The following FGF14 variants were observed in gnomAD, a reference collection of about 807,000 sequenced individuals.
FGF14 encodes fibroblast growth factor 14.
FGF14 carries 5 observed loss-of-function variants against 25.5 expected under a neutral mutation model. That is an observed-to-expected ratio of 0.20 (90% CI 0.10 to 0.41). The LOEUF (loss-of-function observed/expected upper bound fraction) is 0.41. Ranked by LOEUF, FGF14 falls within the 10% of genes least tolerant of loss-of-function variation. FGF14 has a pLI of 1.00. For synonymous variants in FGF14, 138 were observed against 118.3 expected (o/e 1.17, Z -1.08); for missense variants, 222 against 320.1 (o/e 0.69, Z 2.34).
intron 1 of FGF14, among the ~76,000 whole-genome samples, chr13:102,057,306 T>C (rs1429105057): frequency 6.6e-6 from 1 of 152,214 alleles, no homozygotes; most frequent in Non-Finnish European, 1.5e-5. Flanking sequence ...ATGAATATTT[T>C]ACAAATTGTT....
At chr13:101,750,391 C>A (rs766712150) in intron 3 of FGF14, among the ~76,000 whole-genome samples, 3 of 152,068 alleles carry the variant, frequency 2.0e-5, no homozygotes, top group Non-Finnish European at 4.4e-5. Context: ...GATGAACTGA[C>A]AATAACCTTT....
intron 1 of FGF14, among the ~76,000 whole-genome samples, chr13:102,336,194 A>G (rs11618467): frequency 0.18 from 27,446 of 152,218 alleles, 2,695 homozygotes; most frequent in South Asian, 0.23. Flanking sequence ...GTCCTCTTGC[A>G]CCAGTTTGCC....
chr13:102,199,643 A>G (rs1021283595), intron 1 of FGF14, among the ~76,000 whole-genome samples: 5 of 152,140 alleles, frequency 3.3e-5, no homozygotes, highest in African/African-American at 9.7e-5. Flanking sequence ...GGAGAGTACA[A>G]AAGACCTCTA....
chr13:101,897,355 G>A (rs748966949), intron 1 of FGF14, among the ~76,000 whole-genome samples: 2 of 152,180 alleles, frequency 1.3e-5, no homozygotes, highest in African/African-American at 2.4e-5. Flanking sequence ...CAGGTCTAAT[G>A]TGGAAGAGCT....
intron 4 of FGF14, among the ~76,000 whole-genome samples, chr13:101,725,507 T>C (rs912594675): frequency 6.6e-6 from 1 of 152,082 alleles, no homozygotes; most frequent in African/African-American, 2.4e-5. Context: ...GAAGTAGTAT[T>C]AGCCAACAAG....
intron 1 of FGF14, among the ~76,000 whole-genome samples, chr13:102,239,081 AAAAAAC>A (rs1009210215): frequency 4.0e-4 from 60 of 151,654 alleles, no homozygotes; most frequent in Middle Eastern, 3.4e-3. Flanking sequence ...GCTGGTTAAA[AAAAAAC>A]AAAAAACAAA....
At chr13:101,844,175 AATC>A (rs1188220791) in intron 3 of FGF14, among the ~76,000 whole-genome samples, 1 of 152,052 alleles carries the variant, frequency 6.6e-6, no homozygotes, top group African/African-American at 2.4e-5. Flanking sequence ...ACAGTCTTAA[AATC>A]ATGAAAAATA....
At chr13:102,246,619 T>C (rs1045595884) in intron 1 of FGF14, among the ~76,000 whole-genome samples, 1 of 151,984 alleles carries the variant, frequency 6.6e-6, no homozygotes, top group African/African-American at 2.4e-5. Context: ...TATGTTTCAA[T>C]GAATCAACAT....
At chr13:102,278,521 C>A (rs977336493) in intron 1 of FGF14, among the ~76,000 whole-genome samples, 40 of 152,192 alleles carry the variant, frequency 2.6e-4, no homozygotes, top group Admixed American at 2.6e-3. Flanking sequence ...ATGCATCATT[C>A]CTTCTGGAAA....
chr13:102,014,830 G>C (rs1297809146), intron 1 of FGF14, among the ~76,000 whole-genome samples: 1 of 152,076 alleles, frequency 6.6e-6, no homozygotes, highest in African/African-American at 2.4e-5. Flanking sequence ...TGGAAAGAGG[G>C]CATGAGAATT....
intron 1 of FGF14, among the ~76,000 whole-genome samples, chr13:101,953,562 G>A (rs1004943056): frequency 3.4e-4 from 51 of 148,502 alleles, no homozygotes; most frequent in African/African-American, 1.2e-3. Context: ...ATATATATGT[G>A]TGTGTGTGTA....
intron 1 of FGF14, among the ~76,000 whole-genome samples, chr13:101,997,850 TTCTTA>T (rs759047329): frequency 1.4e-4 from 19 of 136,134 alleles, no homozygotes; most frequent in Admixed American, 2.9e-4. Flanking sequence ...GAAGTTTTCT[TTCTTA>T]TCTTTAGTTT....
At chr13:101,796,525 A>T (rs1233421922) in intron 3 of FGF14, among the ~76,000 whole-genome samples, 1 of 151,892 alleles carries the variant, frequency 6.6e-6, no homozygotes, top group Non-Finnish European at 1.5e-5. Context: ...TACCCCTACC[A>T]CTTCAGAGTA....
rs577435156 is a variant in FGF14 at position 101,964,173 on chromosome 13, C to A, written c.209-88877G>T. 9.2e-5 allele frequency among the ~76,000 whole-genome samples: 14 copies of A among 152,146 alleles called. No individual in the cohort carries two copies. The East Asian group carries it at 2.7e-3, about 29-fold the overall frequency. The stretch of plus-strand genomic sequence containing the variant: ...ATAATCAAGAAAGTTCATTTCAGTT[C>A]AATGTATTAAATATATTAAATTAAG... On this transcript the variant is annotated intron_variant, in intron 1 of 4. Coordinates refer to the FGF14 transcript ENST00000376131.
intron 1 of FGF14, among the ~76,000 whole-genome samples, chr13:102,165,548 A>G (rs2047963709): frequency 6.6e-6 from 1 of 151,316 alleles, no homozygotes; most frequent in Admixed American, 6.6e-5. Context: ...CATCATTCTC[A>G]GCAAACTATC....
chr13:101,849,428 C>A (rs532135160), intron 3 of FGF14, among the ~76,000 whole-genome samples: 43 of 152,006 alleles, frequency 2.8e-4, no homozygotes, highest in Middle Eastern at 3.2e-3. Flanking sequence ...CATGGGCAGC[C>A]GCTTGTGCAC....
intron 1 of FGF14, among the ~76,000 whole-genome samples, chr13:102,279,142 A>C (rs1324029544): frequency 2.6e-4 from 40 of 152,314 alleles, no homozygotes. Context: ...ATTATTTTGA[A>C]CATACAGCTA....
At chr13:102,139,567 G>A (rs1566735519) in intron 1 of FGF14, among the ~76,000 whole-genome samples, 1 of 152,078 alleles carries the variant, frequency 6.6e-6, no homozygotes, top group African/African-American at 2.4e-5. Context: ...TATGTCCTAT[G>A]AGCAATGCTC....
At chr13:101,736,515 T>C (rs1177985682) in intron 3 of FGF14, among the ~76,000 whole-genome samples, 2 of 152,180 alleles carry the variant, frequency 1.3e-5, no homozygotes, top group Non-Finnish European at 2.9e-5. Context: ...TAATTGAATT[T>C]TATTGTATTT....
Sources: allele counts gnomAD v4.1 joint callset (sites outside exome capture counted in the v4.1 genomes callset), GRCh38; gene constraint gnomAD v4.1.1; transcripts MANE v1.5; gene names NCBI Gene and HGNC (gene_info 2026-07-23, HGNC 2026-07-21).